P2RY6: variants seen among roughly 807,000 people sequenced by gnomAD.
P2RY6 encodes pyrimidinergic receptor P2Y6.
Under a neutral mutation model 16.3 loss-of-function variants are expected in P2RY6, and 19 were observed. That is an observed-to-expected ratio of 1.16 (90% CI 0.81 to 1.71). The LOEUF (loss-of-function observed/expected upper bound fraction) is 1.71. Among genes scored for constraint, P2RY6 ranks in the 40% most tolerant of loss-of-function variants. The pLI is 0.00. For synonymous variants in P2RY6, 184 were observed against 201.5 expected (o/e 0.91, Z 0.74); for missense variants, 389 against 455.5 (o/e 0.85, Z 1.33).
rs541591753 is a variant in P2RY6, at chr11:73,298,439, C to T, written c.*934C>T. On this transcript the variant is annotated 3_prime_UTR_variant, in exon 3 of 3. Coordinates refer to ENST00000540124, the MANE Select transcript of P2RY6 (RefSeq NM_001277204.2). ...CCAGATGCTCCAGGCAGTGGGAAGCCAATGGAGGGATTAAGCGGCGGAAGC... is the reference window on the plus strand; with the variant it reads ...CCAGATGCTCCAGGCAGTGGGAAGCTAATGGAGGGATTAAGCGGCGGAAGC... The T allele has an allele frequency of 6.0e-6, 1 of 167,248 alleles. No individual in the cohort carries two copies. Among genetic ancestry groups the T allele is most frequent in the Admixed American group, 6.5e-5 (1 of 15,304 alleles). The allele number at this position is 167,248 out of a possible 1,614,324, so 10.4% of individuals were successfully genotyped here.
chr11:73,290,302 G>GA (rs780342559), intron 1 of P2RY6, among the ~76,000 whole-genome samples: 1 of 80,898 alleles, frequency 1.2e-5, no homozygotes, highest in Admixed American at 1.3e-4. Context: ...AAGAAAGAAA[G>GA]AAAAGAAAGA....
intron 1 of P2RY6, chr11:73,292,747 A>G: frequency 1.0e-6 from 1 of 977,656 alleles, no homozygotes; most frequent in Non-Finnish European, 1.2e-6. Flanking sequence ...GGTGGCCCCC[A>G]CAGGGGCTCT....
At chr11:73,267,968 C>T (rs1050937481), upstream of P2RY6, among the ~76,000 whole-genome samples, 9 of 152,260 alleles carry the variant, frequency 5.9e-5, no homozygotes, top group African/African-American at 2.2e-4. Context: ...TCTTCACATG[C>T]AACTTGCTGC....
At position 73,297,382 on chromosome 11, in the gene P2RY6, G is replaced by A. The variant is rs769079087; in HGVS notation, c.864G>A (p.Pro288=). 40 of 1,612,208 alleles carry A rather than the reference G, an allele frequency of 2.5e-5. No individual in the cohort carries two copies. The highest frequency in any genetic ancestry group is 4.4e-5 in the South Asian group (4 of 91,086). The change falls in exon 3 of 3, where the codon CCG becomes CCA. Residue 288 remains proline, a synonymous_variant. Transcript: ENST00000540124. Reference sequence around the variant, plus strand: ...CAGCGGCCTACAAAGGCACGCGGCCGTTTGCCAGTGCCAACAGCGTGCTGG... The same window carrying A: ...CAGCGGCCTACAAAGGCACGCGGCCATTTGCCAGTGCCAACAGCGTGCTGG... ...AFAAAYKGTR[P]FASANSVLDP...
chr11:73,295,708 A>G, intron 1 of P2RY6, 22 bp from the exon 2 acceptor site: 8 of 940,106 alleles, frequency 8.5e-6, no homozygotes, highest in Non-Finnish European at 1.0e-5. Flanking sequence ...ACTGGGTATC[A>G]CCTCCTTCCC....
intron 1 of P2RY6, among the ~76,000 whole-genome samples, chr11:73,287,807 T>C (rs1014201722): frequency 1.3e-5 from 2 of 149,496 alleles, no homozygotes; most frequent in Non-Finnish European, 3.0e-5. Context: ...CAGGGGAGAG[T>C]TTTTTAGGAG....
At position 73,295,801 on chromosome 11, in the gene P2RY6, C is replaced by T. The variant is rs1471106746; in HGVS notation, c.-49C>T. On this transcript the variant is annotated 5_prime_UTR_variant, in exon 2 of 3. Coordinates refer to ENST00000540124, the MANE Select transcript of P2RY6 (RefSeq NM_001277204.2). ...TCAGGCTGAGGAGATGGGTGCGGTC[C>T]TCAGTGAGCCCCTGGTGTGTGGACC... The T allele has an allele frequency of 6.1e-6, 6 of 984,502 alleles. No homozygotes were observed. Among genetic ancestry groups the T allele is most frequent in the Admixed American group, 6.2e-5 (1 of 16,260 alleles). The allele number at this position is 984,502 out of a possible 1,614,324, so 61.0% of individuals were successfully genotyped here.
chr11:73,272,677 G>A (rs539459177), intron 1 of P2RY6, among the ~76,000 whole-genome samples: 9 of 152,364 alleles, frequency 5.9e-5, no homozygotes, highest in African/African-American at 1.7e-4. Flanking sequence ...ACCGCAGGAC[G>A]GGGTCAGTGG....
At chr11:73,279,705 C>T (rs1239929425) in intron 1 of P2RY6, among the ~76,000 whole-genome samples, 4 of 152,158 alleles carry the variant, frequency 2.6e-5, no homozygotes, top group African/African-American at 9.7e-5. Flanking sequence ...ATGCTGGTTC[C>T]ACAAAATTCC....
intron 1 of P2RY6, among the ~76,000 whole-genome samples, chr11:73,282,373 C>T (rs923472471): frequency 1.3e-5 from 2 of 152,234 alleles, no homozygotes; most frequent in Non-Finnish European, 1.5e-5. Context: ...AGCTGGCACC[C>T]TCAATGCAGA....
At chr11:73,296,008 A>C (rs1864457698) in intron 2 of P2RY6, among the ~76,000 whole-genome samples, 193 bp downstream of exon 2, 2 of 152,022 alleles carry the variant, frequency 1.3e-5, no homozygotes, top group Admixed American at 6.5e-5. Context: ...CCTGCACAGC[A>C]TGATTTAGTG....
chr11:73,282,900 G>A (rs1322987281), intron 1 of P2RY6, among the ~76,000 whole-genome samples: 1 of 152,044 alleles, frequency 6.6e-6, no homozygotes, highest in Admixed American at 6.5e-5. Flanking sequence ...ACCAGGTATT[G>A]GGCTAGGTGA....
At chr11:73,268,197 C>T (rs373022809), upstream of P2RY6, among the ~76,000 whole-genome samples, 3 of 152,190 alleles carry the variant, frequency 2.0e-5, no homozygotes, top group Non-Finnish European at 2.9e-5. Flanking sequence ...GGCATGTGCT[C>T]CTTACAACTC....
chr11:73,279,434 G>A (rs934859828), intron 1 of P2RY6, among the ~76,000 whole-genome samples: 2 of 152,084 alleles, frequency 1.3e-5, no homozygotes, highest in African/African-American at 4.8e-5. Flanking sequence ...TTTGGTTCAG[G>A]GTGGTTAGGG....
At chr11:73,281,668 C>T (rs1236861232) in intron 1 of P2RY6, among the ~76,000 whole-genome samples, 2 of 152,216 alleles carry the variant, frequency 1.3e-5, no homozygotes, top group Non-Finnish European at 1.5e-5. Context: ...TCCAGCTGCC[C>T]AGGGGCAAGG....
chr11:73,279,329 A>G (rs113357097), intron 1 of P2RY6, among the ~76,000 whole-genome samples: 8 of 152,014 alleles, frequency 5.3e-5, no homozygotes, highest in African/African-American at 1.9e-4. Context: ...TTGCCTTCCA[A>G]CTCTGTTGAT....
chr11:73,279,585 C>G (rs1863675793), intron 1 of P2RY6, among the ~76,000 whole-genome samples: 1 of 152,212 alleles, frequency 6.6e-6, no homozygotes, highest in African/African-American at 2.4e-5. Context: ...ACATCTCTCT[C>G]CTGACTTTCC....
upstream of P2RY6, among the ~76,000 whole-genome samples, chr11:73,268,745 C>T (rs1863187180): frequency 6.6e-6 from 1 of 152,208 alleles, no homozygotes; most frequent in African/African-American, 2.4e-5. Context: ...CACATCTCCT[C>T]CCACGGACCA....
intron 1 of P2RY6, among the ~76,000 whole-genome samples, chr11:73,282,612 G>A (rs1183631963): frequency 6.6e-6 from 1 of 152,136 alleles, no homozygotes; most frequent in Non-Finnish European, 1.5e-5. Flanking sequence ...CCACAGACAG[G>A]GTTAGAGGCC....
Sources: gnomAD v4.1 joint callset for allele counts (sites outside exome capture counted in the v4.1 genomes callset) on GRCh38, gnomAD v4.1.1 for gene constraint, MANE v1.5 for transcripts, NCBI Gene and HGNC (gene_info 2026-07-23, HGNC 2026-07-21) for gene names.